The following IL1RAPL1 variants were observed in gnomAD, a reference collection of about 807,000 sequenced individuals.
IL1RAPL1 encodes the protein interleukin-1 receptor accessory protein-like 1.
IL1RAPL1 carries 3 observed loss-of-function variants against 48.4 expected under a neutral mutation model. The observed-to-expected ratio is 0.06, with a 90% confidence interval of 0.03 to 0.16. The LOEUF is 0.16. IL1RAPL1 is among the 10% of genes least tolerant of loss of function. The probability of loss-of-function intolerance (pLI) is 1.00; values close to 1 mark genes in which losing one functional copy is unlikely to be tolerated. For synonymous variants in IL1RAPL1, 185 were observed against 187.7 expected (o/e 0.99, Z 0.12); for missense variants, 349 against 530.6 (o/e 0.66, Z 3.36).
chrX:29,311,496 T>A (rs1286203011), intron 3 of IL1RAPL1, among the ~76,000 whole-genome samples: 3 of 111,944 alleles, frequency 2.7e-5, no homozygotes, highest in Non-Finnish European at 5.6e-5. Context: ...ACCCAGTAGA[T>A]CTCTGTGCTT....
intron 6 of IL1RAPL1, among the ~76,000 whole-genome samples, chrX:29,754,828 T>C (rs1382425258): frequency 1.8e-5 from 2 of 110,018 alleles, no homozygotes; most frequent in Non-Finnish European, 3.9e-5. Context: ...CGTAACAAAT[T>C]AGCACACATT....
chrX:29,842,932 G>A (rs972620155), intron 6 of IL1RAPL1, among the ~76,000 whole-genome samples: 1 of 112,044 alleles, frequency 8.9e-6, no homozygotes, highest in East Asian at 2.8e-4. Context: ...ACATGCTTCA[G>A]TGCCTTTCAG....
intron 2 of IL1RAPL1, among the ~76,000 whole-genome samples, chrX:29,085,420 G>A (rs760358263): frequency 3.1e-4 from 35 of 111,374 alleles, no homozygotes; most frequent in African/African-American, 1.0e-3. Flanking sequence ...CTGTGTGCTA[G>A]ACATTTTTCT....
chrX:29,563,037 TA>T (rs776647936), intron 5 of IL1RAPL1, among the ~76,000 whole-genome samples: 88 of 111,410 alleles, frequency 7.9e-4, no homozygotes, highest in Middle Eastern at 4.7e-3. Context: ...TGACCCTACT[TA>T]AAAAAAATTA....
At chrX:29,441,217 TG>T (rs1343818630) in intron 5 of IL1RAPL1, among the ~76,000 whole-genome samples, 1 of 111,512 alleles carries the variant, frequency 9.0e-6, no homozygotes, top group Non-Finnish European at 1.9e-5. Flanking sequence ...CCCTCCTTTA[TG>T]TTGTGTCCTG....
At chrX:29,918,123 C>CAAAAAAA (rs781348669) in intron 7 of IL1RAPL1, among the ~76,000 whole-genome samples, 4 of 7,816 alleles carry the variant, frequency 5.1e-4, no homozygotes, top group African/African-American at 1.3e-3. Context: ...ACTCTGTCTC[C>CAAAAAAA]AAAAAAAAAA....
chrX:29,905,481 G>T (rs1932590559), intron 6 of IL1RAPL1, among the ~76,000 whole-genome samples: 1 of 99,327 alleles, frequency 1.0e-5, no homozygotes, highest in Non-Finnish European at 2.0e-5. Context: ...TTCTTTTAGG[G>T]TTTTTATGGT....
At chrX:28,841,015 A>C (rs1921356796) in intron 2 of IL1RAPL1, among the ~76,000 whole-genome samples, 1 of 111,647 alleles carries the variant, frequency 9.0e-6, no homozygotes, top group African/African-American at 3.2e-5. Context: ...ATTCCAGCAG[A>C]GAATTTCAGA....
At chrX:29,444,582 A>C (rs1048395162) in intron 5 of IL1RAPL1, among the ~76,000 whole-genome samples, 1 of 110,892 alleles carries the variant, frequency 9.0e-6, no homozygotes, top group Admixed American at 9.7e-5. Context: ...AACGTAGAAC[A>C]TAACTATTTA....
intron 5 of IL1RAPL1, among the ~76,000 whole-genome samples, chrX:29,432,039 G>T (rs1934428198): frequency 1.8e-5 from 2 of 111,124 alleles, no homozygotes; most frequent in African/African-American, 3.3e-5. Context: ...TGCATTAATT[G>T]TTAGCCATAG....
chrX:29,095,760 T>G, intron 2 of IL1RAPL1, among the ~76,000 whole-genome samples: 1 of 91,850 alleles, frequency 1.1e-5, no homozygotes, highest in Middle Eastern at 5.7e-3. Flanking sequence ...TTCATGGCAA[T>G]ACTGCATTTG....
chrX:29,123,699 T>G (rs1032106589), intron 2 of IL1RAPL1, among the ~76,000 whole-genome samples: 7 of 111,305 alleles, frequency 6.3e-5, no homozygotes, highest in Non-Finnish European at 1.3e-4. Context: ...ATTTAAAAAT[T>G]TTTTGAGATT....
intron 6 of IL1RAPL1, among the ~76,000 whole-genome samples, chrX:29,913,534 T>C: frequency 1.8e-5 from 2 of 111,010 alleles, no homozygotes; most frequent in Middle Eastern, 9.2e-3. Context: ...TTCCCTATTA[T>C]CACATTGATA....
chrX:29,423,779 A>G (rs1046273466), intron 5 of IL1RAPL1, among the ~76,000 whole-genome samples: 1 of 111,703 alleles, frequency 9.0e-6, no homozygotes, highest in Admixed American at 9.5e-5. Context: ...AGCACCTTGC[A>G]TATACTATCT....
intron 5 of IL1RAPL1, among the ~76,000 whole-genome samples, chrX:29,477,009 T>A (rs2147743492): frequency 9.5e-6 from 1 of 104,999 alleles, no homozygotes; most frequent in Non-Finnish European, 1.9e-5. Flanking sequence ...GCCTCCCGAG[T>A]AGCTGGGACT....
At chrX:28,733,092 G>GGTGT (rs776955168) in intron 1 of IL1RAPL1, among the ~76,000 whole-genome samples, 2 of 107,708 alleles carry the variant, frequency 1.9e-5, no homozygotes, top group African/African-American at 6.8e-5. Context: ...TTATTATACA[G>GGTGT]GTGTGTGTGT....
chrX:28,607,665 A>G lies in IL1RAPL1; in HGVS notation c.-25+19618A>G, dbSNP rs188519917. ...TAGAAAGAATCACTTTTTTTCAAGC[A>G]TTTTTATTGCCACTCGTGCCTACTT... is the stretch of plus-strand genomic sequence containing the variant. On this transcript the variant is annotated intron_variant, in intron 1 of 10. Coordinates refer to ENST00000378993, the MANE Select transcript of IL1RAPL1 (RefSeq NM_014271.4). Among the ~76,000 whole-genome samples the G allele has an allele frequency of 3.6e-5, 4 of 111,075 alleles. No individual in the cohort carries two copies. The East Asian group carries it at 1.1e-3, about 32-fold the overall frequency.
intron 6 of IL1RAPL1, among the ~76,000 whole-genome samples, chrX:29,816,781 C>A (rs904188212): frequency 9.0e-6 from 1 of 110,598 alleles, no homozygotes; most frequent in African/African-American, 3.3e-5. Flanking sequence ...CCTCCCCCCC[C>A]ACTGAAATTT....
At chrX:29,683,475 A>G (rs1926523417) in intron 6 of IL1RAPL1, among the ~76,000 whole-genome samples, 1 of 112,063 alleles carries the variant, frequency 8.9e-6, no homozygotes, top group Non-Finnish European at 1.9e-5. Context: ...CTTTGAGAGT[A>G]CCTTACATCT....
Sources: gnomAD v4.1 joint callset for allele counts (sites outside exome capture counted in the v4.1 genomes callset) on GRCh38, gnomAD v4.1.1 for gene constraint, MANE v1.5 for transcripts, NCBI Gene and HGNC (gene_info 2026-07-23, HGNC 2026-07-21) for gene names.